TAF8: variants seen among roughly 807,000 people sequenced by gnomAD.
The protein encoded by TAF8 is transcription initiation factor TFIID subunit 8.
A neutral mutation model predicts 36.5 loss-of-function variants in TAF8; 47 were observed. The observed-to-expected ratio is 1.29, with a 90% CI of 1.02 to 1.64. The LOEUF (loss-of-function observed/expected upper bound fraction) is 1.64. Ranked by LOEUF, TAF8 falls within the 40% of genes most tolerant of loss-of-function variation. The probability of loss-of-function intolerance (pLI) is 0.00; values close to 1 mark genes in which losing one functional copy is unlikely to be tolerated. For synonymous variants in TAF8, 175 were observed against 159.5 expected (o/e 1.10, Z -0.73); for missense variants, 420 against 407.6 (o/e 1.03, Z -0.26).
At position 42,051,500 on chromosome 6, in the gene TAF8, G is replaced by C; in HGVS notation, c.189G>C (p.Glu63Asp). ...AEKASVETLTEMLQSYISEIG... is the reference protein window; with the variant it reads ...AEKASVETLTDMLQSYISEIG... ...AAGCATCCGTGGAAACGCTGACAGA[G>C]ATGCTGCAGAGCTGTGAGTACATGG... Residue 63 changes from glutamate (E) to aspartate (D), a missense_variant, in exon 2 of 9, where the codon GAG (glutamate) becomes GAC (aspartate). By Grantham distance (45) the Glu-to-Asp change is conservative. Coordinates refer to ENST00000372977, the MANE Select transcript of TAF8 (RefSeq NM_138572.3). 6.2e-7 allele frequency: 1 copy of C among 1,614,034 alleles called. No individual in the cohort carries two copies. Among genetic ancestry groups the C allele is most frequent in the Non-Finnish European group, 8.5e-7 (1 of 1,180,002 alleles).
At chr6:42,066,671 T>C (rs2492918) in intron 6 of TAF8, among the ~76,000 whole-genome samples, 113,033 of 151,992 alleles carry the variant, frequency 0.74, 42,050 homozygotes, top group East Asian at 0.82. Context: ...TGGGACTGGC[T>C]GCTTGAGGTC....
In TAF8 at chr6:42,066,312, A is replaced by G. The variant is rs1371060055; in HGVS notation, c.490A>G (p.Thr164Ala). 6.2e-7 allele frequency: 1 copy of G among 1,613,636 alleles called. No homozygotes were observed. Among genetic ancestry groups the G allele is most frequent in the Non-Finnish European group, 8.5e-7 (1 of 1,179,998 alleles). Residue 164 changes from threonine (T) to alanine (A), a missense_variant and splice_region_variant, in exon 6 of 9, where the codon ACG becomes GCG. Thr to Ala is a moderately conservative substitution (Grantham distance 58). Transcript: ENST00000372977. The part of the protein sequence containing the change: ...PDPHTYIKTP[T>A]YREPVSDYQV... ...AGTGTCTTTGCTGCTCTCTTCGTAG[A>G]CGTACCGTGAGCCCGTGTCAGACTA...
chr6:42,054,916 T>G (rs1288441051), intron 2 of TAF8, among the ~76,000 whole-genome samples: 2 of 150,688 alleles, frequency 1.3e-5, no homozygotes, highest in Admixed American at 6.6e-5. Context: ...TAGCATAATG[T>G]TTTCTTTTTC....
At position 42,068,602 on chromosome 6, in the gene TAF8, A is replaced by G. The variant is rs1197007290; in HGVS notation, c.775A>G (p.Ser259Gly). 2.5e-6 allele frequency: 4 copies of G among 1,612,850 alleles called. No individual in the cohort carries two copies. Among genetic ancestry groups the G allele is most frequent in the African/African-American group, 1.3e-5 (1 of 74,930 alleles). Reference sequence around the variant, plus strand: ...CACAGAGAACCTTGCTCTTCATATCAGCATGGTGGGTTCCACCTTCTGCCT... The same window carrying G: ...CACAGAGAACCTTGCTCTTCATATCGGCATGGTGGGTTCCACCTTCTGCCT... ...TDTENLALHI[S>G]MEDSGAEKEN... Residue 259 changes from serine to glycine, a missense_variant, in exon 7 of 9, where the codon AGC becomes GGC. Physicochemically the swap from Ser to Gly is moderately conservative, Grantham distance 56. Transcript: ENST00000372977.
intron 5 of TAF8, chr6:42,057,847 G>A: frequency 3.0e-6 from 1 of 333,654 alleles, no homozygotes; most frequent in Non-Finnish European, 5.4e-6. Flanking sequence ...ATGTTCTCAA[G>A]TTTGCCAGCT....
At position 42,078,631 on chromosome 6, in the gene TAF8, G is replaced by C. The variant is rs80126305; in HGVS notation, c.*1086G>C. 2.4e-3 allele frequency: 2,380 copies of C among 985,418 alleles called. 40 individuals are homozygous for C. In the African/African-American group the frequency reaches 0.039, roughly 16 times the overall value. 61.0% of individuals were successfully genotyped at this position (985,418 alleles called of 1,614,324 possible). A position where few individuals can be genotyped will look rare whatever the true frequency, so the allele number is the denominator to read the frequency against. ...CGGGGCTGCACCTGTCCTCCCGTCGGCATTTGACGAAAGCTCCCTGAAGCG... is the reference window on the plus strand; with the variant it reads ...CGGGGCTGCACCTGTCCTCCCGTCGCCATTTGACGAAAGCTCCCTGAAGCG... On this transcript the variant is annotated 3_prime_UTR_variant, in exon 9 of 9. Transcript: ENST00000372977.
At chr6:42,061,696 T>G (rs938711710) in intron 5 of TAF8, among the ~76,000 whole-genome samples, 54 of 152,204 alleles carry the variant, frequency 3.5e-4, no homozygotes, top group African/African-American at 1.3e-3. Context: ...TATACAAATA[T>G]AGACCAAAGA....
At chr6:42,055,696 G>A in intron 3 of TAF8, 67 bp downstream of exon 3, 1 of 1,243,514 alleles carries the variant, frequency 8.0e-7, no homozygotes, top group Non-Finnish European at 1.2e-6. Flanking sequence ...AATCAGGCAT[G>A]TCTGCTAAGT....
chr6:42,066,067 A>T (rs1176789365), intron 5 of TAF8, among the ~76,000 whole-genome samples: 1 of 151,994 alleles, frequency 6.6e-6, no homozygotes, highest in Non-Finnish European at 1.5e-5. Flanking sequence ...CACCCAGCTA[A>T]TTTTTGTATT....
At chr6:42,065,071 C>T (rs548317274) in intron 5 of TAF8, among the ~76,000 whole-genome samples, 6 of 150,724 alleles carry the variant, frequency 4.0e-5, no homozygotes, top group East Asian at 4.1e-4. Context: ...TCCGGCTGGG[C>T]GCGGTGACTC....
chr6:42,077,543 T>C lies in TAF8; in HGVS notation c.931T>C (p.Ter311ArgextTer28), dbSNP rs1265730693. 6.2e-7 allele frequency: 1 copy of C among 1,612,988 alleles called. No individual in the cohort carries two copies. The highest frequency in any genetic ancestry group is 8.5e-7 in the Non-Finnish European group (1 of 1,179,588). ...TCCTCTTCTTTCTAGGTCCCTCTCC[T>C]GAGCTGAGAAGGAAACCTGGCTTGT... Reference protein sequence around the residue: ...PKIRRKKSLS* With the variant: ...PKIRRKKSLSR Residue 311 changes from the stop codon to arginine (R), a stop_lost, in exon 9 of 9, where the codon TGA becomes CGA. Coordinates refer to ENST00000372977, the MANE Select transcript of TAF8 (RefSeq NM_138572.3).
At chr6:42,075,254 C>T (rs1043349648) in intron 7 of TAF8, among the ~76,000 whole-genome samples, 1 of 152,124 alleles carries the variant, frequency 6.6e-6, no homozygotes, top group Non-Finnish European at 1.5e-5. Context: ...TTTCCGGCAC[C>T]TGGTCTGGCC....
chr6:42,061,025 A>T (rs73733089), intron 5 of TAF8, among the ~76,000 whole-genome samples: 1,795 of 152,340 alleles, frequency 0.012, 42 homozygotes, highest in African/African-American at 0.041. Flanking sequence ...TCTCCGTGAG[A>T]GTCCTAGAAG....
At chr6:42,063,649 CA>C (rs1489852666) in intron 5 of TAF8, 12 of 152,104 alleles carry the variant, frequency 7.9e-5, no homozygotes, top group African/African-American at 2.9e-4. Flanking sequence ...GAGATGGGGA[CA>C]GGTTTTTTGT....
downstream of TAF8, chr6:42,086,619 C>G (rs1407581276): frequency 1.1e-5 from 13 of 1,155,348 alleles, no homozygotes; most frequent in South Asian, 6.6e-5. Context: ...ATCTGCGGCA[C>G]CCCCTCTCCA....
Position 42,077,113 on chromosome 6 carries a change from C to A in TAF8, c.794C>A (p.Ala265Asp). The A allele has an allele frequency of 6.2e-7, 1 of 1,612,590 alleles. No individual in the cohort carries two copies. The change falls in exon 8 of 9, where the codon GCC (alanine) becomes GAC (aspartate). Residue 265 changes from alanine (A) to aspartate (D), a missense_variant. Transcript: ENST00000372977. ...TTTTGCTCAAAGGAGGATTCTGGAG[C>A]CGAGAAGGAGAACACCTCTGTCCTG... ...ALHISMEDSG[A>D]EKENTSVLQQ...
Position 42,078,819 on chromosome 6 carries a change from G to C in TAF8, c.*1274G>C, listed in dbSNP as rs1234186612. Reference sequence around the variant, plus strand: ...TGGGACTTGACAGAGGAGCCATGGGGTTTAAACAGTAGGAAAGAGGGGCTA... The same window carrying C: ...TGGGACTTGACAGAGGAGCCATGGGCTTTAAACAGTAGGAAAGAGGGGCTA... On this transcript the variant is annotated 3_prime_UTR_variant, in exon 9 of 9. Transcript: ENST00000372977. The C allele has an allele frequency of 8.5e-5, 84 of 985,326 alleles. No homozygotes were observed. The highest frequency in any genetic ancestry group is 1.0e-4 in the African/African-American group (6 of 57,238). The allele number at this position is 985,326 out of a possible 1,614,324, so 61.0% of individuals were successfully genotyped here.
chr6:42,051,221 C>A, intron 1 of TAF8, 136 bp from the exon 2 acceptor site: 1 of 1,301,954 alleles, frequency 7.7e-7, no homozygotes, highest in Non-Finnish European at 1.0e-6. Flanking sequence ...TGGCCAAGAT[C>A]TGTAAATCTA....
chr6:42,071,311 C>CCTTTT (rs1765559321), intron 7 of TAF8: 1 of 119,058 alleles, frequency 8.4e-6, no homozygotes, highest in Non-Finnish European at 1.5e-5. Flanking sequence ...CCTGGACATA[C>CCTTTT]TTTTTTTTTT....
Sources: gnomAD v4.1 joint callset for allele counts (sites outside exome capture counted in the v4.1 genomes callset) on GRCh38, gnomAD v4.1.1 for gene constraint, MANE v1.5 for transcripts, NCBI Gene and HGNC (gene_info 2026-07-23, HGNC 2026-07-21) for gene names.